The following ERGIC1 variants were observed in gnomAD, a reference collection of about 807,000 sequenced individuals.
ERGIC1 encodes the protein endoplasmic reticulum-golgi intermediate compartment 1.
ERGIC1 carries 19 observed loss-of-function variants against 38.3 expected under a neutral mutation model. That is an observed-to-expected ratio of 0.50 (90% CI 0.35 to 0.73). The LOEUF (loss-of-function observed/expected upper bound fraction) is 0.73. Among genes scored for constraint, ERGIC1 ranks in the 30% least tolerant of loss-of-function variants. The pLI is 0.01. For synonymous variants in ERGIC1, 124 were observed against 157.6 expected (o/e 0.79, Z 1.60); for missense variants, 294 against 389.2 (o/e 0.76, Z 2.06).
At chr5:172,897,095 G>T in intron 3 of ERGIC1, 21 bp downstream of exon 3, 1 of 1,611,252 alleles carries the variant, frequency 6.2e-7, no homozygotes, top group Non-Finnish European at 8.5e-7. Flanking sequence ...CTTTCCCGAT[G>T]GGGCATTCCA....
At chr5:172,867,456 C>T (rs571360020) in intron 1 of ERGIC1, 680 of 402,438 alleles carry the variant, frequency 1.7e-3, no homozygotes, top group Non-Finnish European at 2.6e-3. Flanking sequence ...TTGGAGGCCG[C>T]AAGAACAACT....
intron 1 of ERGIC1, among the ~76,000 whole-genome samples, chr5:172,856,569 C>G (rs792986): frequency 6.6e-6 from 1 of 152,130 alleles, no homozygotes; most frequent in Non-Finnish European, 1.5e-5. Context: ...ATGGGGCTGC[C>G]TGTGCTGCCT....
rs1333885031 is a variant in ERGIC1, at chr5:172,842,111, A to G, written c.20+7678A>G. Among the ~76,000 whole-genome samples the G allele has an allele frequency of 5.9e-5, 9 of 152,172 alleles. 1 individual carries two copies. In the East Asian group the frequency reaches 1.7e-3, roughly 29 times the overall value. ...GCTCAGGCTGGAGTGCAATGGCGCA[A>G]TCTCGGCTCACTGCAACCTCCACTT... On this transcript the variant is annotated intron_variant, in intron 1 of 9. Transcript: ENST00000393784.
chr5:172,844,052 G>A (rs1002650043), intron 1 of ERGIC1, among the ~76,000 whole-genome samples: 56 of 152,270 alleles, frequency 3.7e-4, no homozygotes, highest in Middle Eastern at 6.8e-3. Context: ...AGGTGGACGT[G>A]GTAAAACCAG....
At chr5:172,892,282 G>A (rs1323101419) in intron 2 of ERGIC1, among the ~76,000 whole-genome samples, 1 of 152,142 alleles carries the variant, frequency 6.6e-6, no homozygotes, top group African/African-American at 2.4e-5. Flanking sequence ...CCAAGCCCTG[G>A]GACTGTGCTG....
intron 6 of ERGIC1, 115 bp downstream of exon 6, chr5:172,924,224 T>C: frequency 1.0e-6 from 1 of 1,000,668 alleles, no homozygotes; most frequent in Non-Finnish European, 1.5e-6. Flanking sequence ...AGGTGACATC[T>C]AAGCCAAGCC....
At chr5:172,874,084 A>ATT (rs111526072) in intron 1 of ERGIC1, among the ~76,000 whole-genome samples, 1 of 147,874 alleles carries the variant, frequency 6.8e-6, no homozygotes, top group Non-Finnish European at 1.5e-5. Flanking sequence ...GAATCTGCAA[A>ATT]TTTTTTTTTT....
intron 9 of ERGIC1, among the ~76,000 whole-genome samples, chr5:172,949,300 A>ACCC (rs1342207702): frequency 6.6e-6 from 1 of 152,114 alleles, no homozygotes; most frequent in Non-Finnish European, 1.5e-5. Context: ...AAAGTTTTGA[A>ACCC]CCCCTATTCA....
intron 9 of ERGIC1, among the ~76,000 whole-genome samples, chr5:172,946,933 A>C (rs1167719584): frequency 6.6e-6 from 1 of 151,210 alleles, no homozygotes; most frequent in Non-Finnish European, 1.5e-5. Context: ...CTGTAATCCC[A>C]CCACTTTGGG....
chr5:172,877,410 ATGTGTGTGTG>A (rs34909688), intron 1 of ERGIC1, among the ~76,000 whole-genome samples: 2 of 102,316 alleles, frequency 2.0e-5, no homozygotes, highest in Non-Finnish European at 3.7e-5. Context: ...TATTATATAT[ATGTGTGTGTG>A]TGTGTGTGTG....
At chr5:172,910,588 G>A (rs1386099468) in intron 4 of ERGIC1, among the ~76,000 whole-genome samples, 3 of 147,610 alleles carry the variant, frequency 2.0e-5, no homozygotes, top group South Asian at 4.2e-4. Context: ...GCAATGGCAC[G>A]ATCTTGGCTC....
At chr5:172,911,266 G>A (rs767392217) in intron 4 of ERGIC1, among the ~76,000 whole-genome samples, 3 of 152,216 alleles carry the variant, frequency 2.0e-5, no homozygotes, top group Non-Finnish European at 4.4e-5. Context: ...CAGGGAACCT[G>A]TTGAAATAGG....
At chr5:172,867,986 A>G (rs1435608012) in intron 1 of ERGIC1, among the ~76,000 whole-genome samples, 2 of 152,182 alleles carry the variant, frequency 1.3e-5, no homozygotes, top group Admixed American at 6.5e-5. Context: ...TAGCAGAGTC[A>G]GGATTTGAGC....
intron 5 of ERGIC1, 146 bp downstream of exon 5, chr5:172,914,984 C>T (rs536980218): frequency 5.3e-6 from 7 of 1,315,874 alleles, no homozygotes; most frequent in South Asian, 5.0e-5. Flanking sequence ...GCTGCCTGGC[C>T]GTTCCTGCTG....
chr5:172,875,594 A>G (rs1172363297), intron 1 of ERGIC1, among the ~76,000 whole-genome samples: 2 of 152,150 alleles, frequency 1.3e-5, no homozygotes, highest in African/African-American at 4.8e-5. Context: ...AGGTCTACCT[A>G]TTGCCTGTGG....
intron 1 of ERGIC1, among the ~76,000 whole-genome samples, chr5:172,865,903 C>T (rs1439335967): frequency 6.6e-6 from 1 of 152,158 alleles, no homozygotes; most frequent in Non-Finnish European, 1.5e-5. Flanking sequence ...CACCTCCCAT[C>T]CTGAGAAGCA....
intron 9 of ERGIC1, among the ~76,000 whole-genome samples, chr5:172,944,006 C>T (rs139827534): frequency 1.4e-4 from 21 of 152,326 alleles, no homozygotes; most frequent in Non-Finnish European, 2.4e-4. Flanking sequence ...AAGAAGCTGA[C>T]GGGACCCCTG....
intron 5 of ERGIC1, chr5:172,917,501 ACT>A (rs1306898556): frequency 1.3e-5 from 2 of 151,912 alleles, no homozygotes; most frequent in African/African-American, 4.8e-5. Flanking sequence ...AGACCCACCG[ACT>A]CTGTGCTAGA....
At chr5:172,887,683 G>A (rs1320986168) in intron 1 of ERGIC1, among the ~76,000 whole-genome samples, 1 of 152,182 alleles carries the variant, frequency 6.6e-6, no homozygotes, top group African/African-American at 2.4e-5. Context: ...TACACCACAC[G>A]ATTTCCCTGT....
Sources: allele counts gnomAD v4.1 joint callset (sites outside exome capture counted in the v4.1 genomes callset), GRCh38; gene constraint gnomAD v4.1.1; transcripts MANE v1.5; gene names NCBI Gene and HGNC (gene_info 2026-07-23, HGNC 2026-07-21).